CALN1: variants seen among roughly 807,000 people sequenced by gnomAD.
CALN1 encodes calneuron 1.
Under a neutral mutation model 30.6 loss-of-function variants are expected in CALN1, and 17 were observed. The observed-to-expected ratio is 0.56, with a 90% CI of 0.38 to 0.83. The LOEUF (loss-of-function observed/expected upper bound fraction) is 0.83. Ranked by LOEUF, CALN1 falls within the 40% of genes least tolerant of loss-of-function variation. CALN1 has a pLI of 0.00. For missense variants in CALN1, 291 were observed against 354.9 expected, an observed-to-expected ratio of 0.82 and a Z score of 1.45; for synonymous variants, 156 against 131.4, an observed-to-expected ratio of 1.19 and a Z score of -1.28.
At chr7:71,884,342 T>C (rs923186707) in intron 5 of CALN1, among the ~76,000 whole-genome samples, 15 of 152,108 alleles carry the variant, frequency 9.9e-5, no homozygotes, top group Admixed American at 9.8e-4. Context: ...TCCAGAATCT[T>C]GGGGGGTGTA....
rs533162863 is a variant in CALN1, at chr7:71,847,441, G to A, written c.502-36949C>T. On this transcript the variant is annotated intron_variant, in intron 5 of 6. Transcript: ENST00000395275. Reference sequence around the variant, plus strand: ...AAGGTGGGTGGATCACCTGAGGTCAGGAGTTCAAGACCAGCCTGGCCAACA... The same window carrying A: ...AAGGTGGGTGGATCACCTGAGGTCAAGAGTTCAAGACCAGCCTGGCCAACA... Among the ~76,000 whole-genome samples the A allele has an allele frequency of 4.6e-5, 7 of 152,004 alleles. No individual in the cohort carries two copies. The South Asian group carries it at 8.3e-4, about 18-fold the overall frequency.
chr7:72,319,718 A>G (rs1023889475), intron 2 of CALN1, among the ~76,000 whole-genome samples: 2 of 152,184 alleles, frequency 1.3e-5, no homozygotes, highest in African/African-American at 4.8e-5. Context: ...TTAATTTTTA[A>G]AAGAACAGAG....
At chr7:72,038,135 A>G (rs574708730) in intron 4 of CALN1, among the ~76,000 whole-genome samples, 1 of 152,034 alleles carries the variant, frequency 6.6e-6, no homozygotes, top group South Asian at 2.1e-4. Context: ...CGTCCCTGAT[A>G]TTTGGAGAAC....
At chr7:72,061,883 T>C (rs1021866569) in intron 4 of CALN1, among the ~76,000 whole-genome samples, 7 of 145,132 alleles carry the variant, frequency 4.8e-5, no homozygotes, top group African/African-American at 1.5e-4. Flanking sequence ...AAATAATACA[T>C]CCTCAAACAT....
intron 4 of CALN1, among the ~76,000 whole-genome samples, chr7:72,093,177 CCAT>C (rs1390888049): frequency 2.0e-5 from 3 of 152,132 alleles, no homozygotes; most frequent in Admixed American, 6.5e-5. Context: ...CCACTTTTCA[CCAT>C]CATGTTACTT....
chr7:72,173,338 T>C lies in CALN1; in HGVS notation c.245-67044A>G, dbSNP rs59435780. On this transcript the variant is annotated intron_variant, in intron 3 of 6. Coordinates refer to ENST00000395275, the MANE Select transcript of CALN1 (RefSeq NM_031468.4). ...AGACCTAAATGAATATATATATATA[T>C]CATGTTTATGGGTTAAAATATTCCA... Among the ~76,000 whole-genome samples the C allele has an allele frequency of 7.3e-3, 1,111 of 152,196 alleles. 15 individuals carry two copies. The highest frequency in any genetic ancestry group is 0.025 in the African/African-American group (1,038 of 41,530).
chr7:72,212,706 C>G (rs1333639163), intron 3 of CALN1, among the ~76,000 whole-genome samples: 3 of 151,878 alleles, frequency 2.0e-5, no homozygotes. Context: ...CCCAGCTACT[C>G]AGGAAGCTGA....
At chr7:72,083,245 T>C (rs964541928) in intron 4 of CALN1, among the ~76,000 whole-genome samples, 3 of 152,088 alleles carry the variant, frequency 2.0e-5, no homozygotes, top group African/African-American at 7.2e-5. Context: ...AGAGAAAATT[T>C]CACAGAAGCA....
chr7:72,231,632 C>G (rs568255211), intron 3 of CALN1, among the ~76,000 whole-genome samples: 1 of 152,078 alleles, frequency 6.6e-6, no homozygotes, highest in Admixed American at 6.5e-5. Context: ...TATTTTATTG[C>G]TATTGTTGTT....
intron 6 of CALN1, among the ~76,000 whole-genome samples, chr7:71,789,786 T>C (rs576549369): frequency 1.8e-4 from 27 of 152,126 alleles, no homozygotes; most frequent in South Asian, 1.0e-3. Context: ...TAGCGGATAT[T>C]AATATGGGCC....
chr7:72,435,506 T>C (rs1808126244), intron 1 of CALN1, among the ~76,000 whole-genome samples: 1 of 152,102 alleles, frequency 6.6e-6, no homozygotes, highest in Non-Finnish European at 1.5e-5. Context: ...CTCCTGGAAG[T>C]GGACAGATGG....
chr7:72,475,148 C>T, the CALN1 span, among the ~76,000 whole-genome samples: 21,176 of 152,130 alleles, frequency 0.14, 3,093 homozygotes, highest in African/African-American at 0.37. Context: ...ACAAAGATAA[C>T]GTTATCCCAT....
rs1799892435 is a variant in CALN1 at position 72,309,530 on chromosome 7, CG to C, written c.120-30721del. ...GGGAGGGGGGCTCACAAGGGTTACA[CG>C]GGACTCAAGGAACGGCAACATGCGT... On this transcript the variant is annotated intron_variant, in intron 2 of 6. Transcript: ENST00000395275. Among the ~76,000 whole-genome samples the C allele has an allele frequency of 2.6e-5, 4 of 151,992 alleles. No homozygotes were observed. In the South Asian group the frequency reaches 8.3e-4, roughly 32 times the overall value.
chr7:72,021,107 C>T (rs10231062), intron 5 of CALN1, among the ~76,000 whole-genome samples: 21,714 of 151,802 alleles, frequency 0.14, 2,459 homozygotes, highest in East Asian at 0.34. Context: ...ACCATATCTA[C>T]CAAAAAACAC....
chr7:72,488,367 T>C, the CALN1 span, among the ~76,000 whole-genome samples: 3 of 151,642 alleles, frequency 2.0e-5, no homozygotes. Flanking sequence ...CAAGATCCTG[T>C]CTCAAAAGAA....
chr7:72,396,258 G>GAAAA (rs1554399594), intron 2 of CALN1, among the ~76,000 whole-genome samples: 7 of 109,686 alleles, frequency 6.4e-5, no homozygotes, highest in African/African-American at 1.1e-4. Flanking sequence ...AAAAAAAAAA[G>GAAAA]AAAGAAAAAG....
chr7:72,500,807 C>G, the CALN1 span, among the ~76,000 whole-genome samples: 1 of 151,824 alleles, frequency 6.6e-6, no homozygotes. Context: ...TTTACAATGT[C>G]CAGTTACTTC....
At chr7:71,841,112 G>A (rs1277382582) in intron 5 of CALN1, among the ~76,000 whole-genome samples, 1 of 152,136 alleles carries the variant, frequency 6.6e-6, no homozygotes, top group African/African-American at 2.4e-5. Context: ...TATGTTGGAA[G>A]GACAAAAGGA....
intron 4 of CALN1, among the ~76,000 whole-genome samples, chr7:72,057,673 A>G (rs978417769): frequency 3.9e-5 from 6 of 152,066 alleles, no homozygotes; most frequent in Admixed American, 6.5e-5. Context: ...TGTGAAGATT[A>G]CATGTTATTA....
Sources: gnomAD v4.1 joint callset for allele counts (sites outside exome capture counted in the v4.1 genomes callset) on GRCh38, gnomAD v4.1.1 for gene constraint, MANE v1.5 for transcripts, NCBI Gene and HGNC (gene_info 2026-07-23, HGNC 2026-07-21) for gene names.